Variants in KCNQ1 observed in about 807,000 individuals in gnomAD.
KCNQ1 encodes the protein potassium voltage-gated channel subfamily Q member 1, also known as potassium voltage-gated channel subfamily KQT member 1.
In KCNQ1, 49 loss-of-function variants were observed where a neutral mutation model predicts 72.4. The observed-to-expected ratio is 0.68, with a 90% CI of 0.54 to 0.86. The LOEUF is 0.86. Among genes scored for constraint, KCNQ1 ranks in the 40% least tolerant of loss-of-function variants. The pLI is 0.00. For synonymous variants in KCNQ1, 450 were observed against 412.6 expected (o/e 1.09, Z -1.10); for missense variants, 790 against 945.1 (o/e 0.84, Z 2.15).
chr11:2,577,926 C>T (rs1162242896), intron 6 of KCNQ1, among the ~76,000 whole-genome samples: 1 of 152,188 alleles, frequency 6.6e-6, no homozygotes, highest in African/African-American at 2.4e-5. Context: ...CCCCTAGGCC[C>T]CTTTCCTCCA....
intron 11 of KCNQ1, among the ~76,000 whole-genome samples, chr11:2,739,264 G>C (rs1846009023): frequency 1.3e-5 from 2 of 152,182 alleles, no homozygotes; most frequent in Non-Finnish European, 2.9e-5. Context: ...CCCAGCCCCT[G>C]TGTGAGGTAC....
intron 10 of KCNQ1, chr11:2,648,304 T>G (rs964653040): frequency 5.0e-6 from 2 of 398,504 alleles, no homozygotes; most frequent in Admixed American, 8.8e-5. Flanking sequence ...ATTTATTTCC[T>G]TCTAATTTTA....
Position 2,523,751 on chromosome 11 carries a change from GTTTTT to G in KCNQ1, c.387-4161_387-4157del, listed in dbSNP as rs59766245. On this transcript the variant is annotated intron_variant, in intron 1 of 15. Transcript: ENST00000155840. Reference sequence around the variant, plus strand: ...GCCTCTGCCTTGGAGGAAGTTTACAGTTTTTTTTTTTTTTTTTTTTGAAAGTTTAA... The same window carrying G: ...GCCTCTGCCTTGGAGGAAGTTTACAGTTTTTTTTTTTTTTTGAAAGTTTAA... Among the ~76,000 whole-genome samples the G allele has an allele frequency of 1.0e-4, 12 of 115,144 alleles. 1 individual carries two copies. The East Asian group carries it at 1.5e-3, about 14-fold the overall frequency. The allele number at this position is 115,144 out of a possible 152,430, so 75.5% of individuals were successfully genotyped here. A position where few individuals can be genotyped will look rare whatever the true frequency, so the allele number is the denominator to read the frequency against.
At chr11:2,771,013 C>T (rs533648485) in intron 12 of KCNQ1, among the ~76,000 whole-genome samples, 1 of 152,360 alleles carries the variant, frequency 6.6e-6, no homozygotes, top group Admixed American at 6.5e-5. Flanking sequence ...AAGCAGCTGA[C>T]GTCACCCCAG....
intron 11 of KCNQ1, chr11:2,672,645 CT>C: frequency 2.5e-6 from 1 of 398,732 alleles, no homozygotes; most frequent in Non-Finnish European, 4.4e-6. Context: ...AATGGAAGCA[CT>C]GAGACCAGAT....
rs147181950 is a variant in KCNQ1, at chr11:2,621,209, C to T, written c.1393+32355C>T. On this transcript the variant is annotated intron_variant, in intron 10 of 15. Coordinates refer to ENST00000155840, the MANE Select transcript of KCNQ1 (RefSeq NM_000218.3). The surrounding 1 kb of genome is among the most constrained non-coding windows in gnomAD (Gnocchi z 5.7). ...GCCAGGATGGTCTCGAATACCTGAC[C>T]CCAGATGATCCACGCACCTCAGCCT... 309 of 397,676 alleles carry T rather than the reference C, an allele frequency of 7.8e-4. 2 individuals carry two copies. The highest frequency in any genetic ancestry group is 6.2e-3 in the African/African-American group (301 of 48,674). The allele number at this position is 397,676 out of a possible 1,614,324, so 24.6% of individuals were successfully genotyped here.
At position 2,832,877 on chromosome 11, in the gene KCNQ1, G is replaced by T. The variant is rs1014018547; in HGVS notation, c.1795-14890G>T. ...CCGTGGTCCACAGGGCCTGGCCAGG[G>T]CTCCATGGGGCAGAAGCCATGCCCA... On this transcript the variant is annotated intron_variant, in intron 15 of 15. Transcript: ENST00000155840. Among the ~76,000 whole-genome samples, 5 of 152,218 alleles carry T rather than the reference G, an allele frequency of 3.3e-5. No homozygotes were observed. The East Asian group carries it at 9.7e-4, about 29-fold the overall frequency.
chr11:2,695,011 G>A lies in KCNQ1; in HGVS notation c.1514+32930G>A. 1 of 398,706 alleles carries A rather than the reference G, an allele frequency of 2.5e-6. No individual in the cohort carries two copies. Among genetic ancestry groups the A allele is most frequent in the East Asian group, 3.6e-5 (1 of 28,078 alleles). 24.7% of individuals were successfully genotyped at this position (398,706 alleles called of 1,614,324 possible). A position where few individuals can be genotyped will look rare whatever the true frequency, so the allele number is the denominator to read the frequency against. On this transcript the variant is annotated intron_variant, in intron 11 of 15. Transcript: ENST00000155840. This position sits in a 1 kb window ranked among gnomAD's most constrained non-coding sequence, Gnocchi z 5.2. ...GCAGAGCCAAAGCTCAGTGAGGGAG[G>A]ACAGTGGTCAGAGAGGTAAGCAGGG...
chr11:2,539,760 G>A (rs1847793868), intron 2 of KCNQ1, among the ~76,000 whole-genome samples: 1 of 152,234 alleles, frequency 6.6e-6, no homozygotes. Flanking sequence ...CTCCATTCGG[G>A]TTTAGTGGGA....
chr11:2,774,482 G>T (rs148157391), intron 12 of KCNQ1, among the ~76,000 whole-genome samples: 2 of 152,238 alleles, frequency 1.3e-5, no homozygotes, highest in East Asian at 3.8e-4. Flanking sequence ...AGTGTTGCCA[G>T]TGAGGGCCCT....
intron 1 of KCNQ1, among the ~76,000 whole-genome samples, chr11:2,500,451 G>A (rs1182338834): frequency 6.6e-6 from 1 of 152,204 alleles, no homozygotes; most frequent in African/African-American, 2.4e-5. Context: ...TTCAACCATT[G>A]TGGAAGACAG....
intron 1 of KCNQ1, among the ~76,000 whole-genome samples, chr11:2,476,914 C>A (rs1252536388): frequency 1.3e-5 from 2 of 152,172 alleles, no homozygotes; most frequent in African/African-American, 4.8e-5. Context: ...GTATTGAACT[C>A]CTGAGCACAA....
intron 10 of KCNQ1, chr11:2,649,207 C>T (rs1289982689): frequency 5.0e-6 from 2 of 398,088 alleles, no homozygotes; most frequent in East Asian, 3.6e-5. Flanking sequence ...AAATTACCTA[C>T]ATTCAAGATT....
intron 11 of KCNQ1, chr11:2,667,004 G>A: frequency 2.5e-6 from 1 of 398,706 alleles, no homozygotes; most frequent in Non-Finnish European, 4.4e-6. Flanking sequence ...GGCTGCATGA[G>A]TCATAGGATC....
intron 15 of KCNQ1, among the ~76,000 whole-genome samples, chr11:2,845,108 G>A (rs368261918): frequency 7.9e-5 from 12 of 152,184 alleles, no homozygotes; most frequent in African/African-American, 2.2e-4. Context: ...TGAGCAGGTC[G>A]TGGGACTGAG....
chr11:2,732,414 G>A (rs1012648161), intron 11 of KCNQ1, among the ~76,000 whole-genome samples: 1 of 152,166 alleles, frequency 6.6e-6, no homozygotes, highest in African/African-American at 2.4e-5. Flanking sequence ...TATTCCTGAC[G>A]CCTGGGCTGG....
Position 2,562,090 on chromosome 11 carries a change from C to T in KCNQ1, c.478-8538C>T, listed in dbSNP as rs1213738847. Among the ~76,000 whole-genome samples the T allele has an allele frequency of 6.6e-6, 1 of 152,062 alleles. No individual in the cohort carries two copies. The highest frequency in any genetic ancestry group is 2.1e-4 in the South Asian group (1 of 4,822). The stretch of plus-strand genomic sequence containing the variant: ...GTAAGGCCAGGACAGGGCAGCCGGA[C>T]CCCGACTGTGCCACCCTCAGCCCAG... On this transcript the variant is annotated intron_variant, in intron 2 of 15. Transcript: ENST00000155840. This position sits in a 1 kb window ranked among gnomAD's most constrained non-coding sequence, Gnocchi z 7.5.
intron 1 of KCNQ1, among the ~76,000 whole-genome samples, chr11:2,514,223 G>A (rs746583021): frequency 5.3e-5 from 8 of 152,342 alleles, no homozygotes; most frequent in African/African-American, 1.2e-4. Context: ...GCGCATTTCC[G>A]TGCAGGACAC....
chr11:2,558,523 G>A (rs533751191), intron 2 of KCNQ1, among the ~76,000 whole-genome samples: 15 of 152,292 alleles, frequency 9.8e-5, no homozygotes, highest in South Asian at 4.1e-4. Flanking sequence ...TCTGCCTAGC[G>A]CCATCTGCCT....
Sources: allele counts gnomAD v4.1 joint callset (sites outside exome capture counted in the v4.1 genomes callset), GRCh38; gene constraint gnomAD v4.1.1; non-coding constraint Gnocchi (gnomAD v3.1); transcripts MANE v1.5; gene names NCBI Gene and HGNC (gene_info 2026-07-23, HGNC 2026-07-21).